The following VPS13C variants were observed in gnomAD, a reference collection of about 807,000 sequenced individuals.
VPS13C encodes the protein intermembrane lipid transfer protein VPS13C.
Under a neutral mutation model 456.8 loss-of-function variants are expected in VPS13C, and 358 were observed. The ratio of observed to expected loss-of-function variants is 0.78; its 90% CI spans 0.72 to 0.86. The LOEUF (loss-of-function observed/expected upper bound fraction) is 0.86. Ranked by LOEUF, VPS13C falls within the 40% of genes least tolerant of loss-of-function variation. VPS13C has a pLI of 0.00. For synonymous variants in VPS13C, 1,578 were observed against 1,486.7 expected (o/e 1.06, Z -1.41); for missense variants, 4,818 against 4,385.4 (o/e 1.10, Z -2.79).
chr15:61,977,331 G>T, intron 23 of VPS13C, 132 bp from the exon 24 acceptor site: 1 of 565,450 alleles, frequency 1.8e-6, no homozygotes, highest in Non-Finnish European at 2.9e-6. Context: ...AATTAATCCA[G>T]AATCAATGAT....
chr15:62,004,697 T>C (rs1453825573), intron 15 of VPS13C, among the ~76,000 whole-genome samples: 1 of 151,654 alleles, frequency 6.6e-6, no homozygotes, highest in Non-Finnish European at 1.5e-5. Flanking sequence ...TTTGAATGTG[T>C]CCCAGAGATT....
chr15:61,946,648 CA>C (rs5813127), intron 43 of VPS13C, among the ~76,000 whole-genome samples: 67 of 144,170 alleles, frequency 4.6e-4, no homozygotes, highest in East Asian at 1.4e-3. Context: ...ATTTTAAAAC[CA>C]AAAAAAAAAA....
At chr15:62,010,396 G>C in intron 13 of VPS13C, 76 bp downstream of exon 13, 2 of 1,377,092 alleles carry the variant, frequency 1.5e-6, no homozygotes, top group Non-Finnish European at 1.9e-6. Flanking sequence ...CCAACCACTA[G>C]AGAAGTAATA....
At position 62,055,979 on chromosome 15, in the gene VPS13C, C is replaced by T. The variant is rs115113163; in HGVS notation, c.100+4296G>A. Among the ~76,000 whole-genome samples, 1,237 of 152,258 alleles carry T rather than the reference C, an allele frequency of 8.1e-3. 13 individuals carry two copies. Among genetic ancestry groups the T allele is most frequent in the African/African-American group, 0.028 (1,176 of 41,534 alleles). Reference sequence around the variant, plus strand: ...TATCTGCTACATGCCAATAGCACACCTCTTCCCTCAGTGTGGCAACCAAAA... The same window carrying T: ...TATCTGCTACATGCCAATAGCACACTTCTTCCCTCAGTGTGGCAACCAAAA... On this transcript the variant is annotated intron_variant, in intron 1 of 84. Coordinates refer to ENST00000644861, the MANE Select transcript of VPS13C (RefSeq NM_020821.3).
rs932475685 is a variant in VPS13C, at chr15:61,901,133, G to A, written c.9105+6131C>T. Among the ~76,000 whole-genome samples, 6 of 150,852 alleles carry A rather than the reference G, an allele frequency of 4.0e-5. No individual in the cohort carries two copies. In the South Asian group the frequency reaches 6.3e-4, roughly 16 times the overall value. On this transcript the variant is annotated intron_variant, in intron 66 of 84. Coordinates refer to ENST00000644861, the MANE Select transcript of VPS13C (RefSeq NM_020821.3). ...TTCAAGATGGATTAAAGACTTAAAC[G>A]TTAGACCTAAAACCATAAAAACCCT...
intron 24 of VPS13C, 45 bp downstream of exon 24, chr15:61,977,037 A>T (rs1304950283): frequency 1.5e-6 from 2 of 1,362,756 alleles, no homozygotes; most frequent in Admixed American, 3.7e-5. Context: ...ATGCAGACAT[A>T]TTTCACCTGT....
At chr15:62,038,585 T>C (rs754579785) in intron 3 of VPS13C, among the ~76,000 whole-genome samples, 25 of 152,156 alleles carry the variant, frequency 1.6e-4, no homozygotes, top group Non-Finnish European at 2.8e-4. Context: ...AGACTTTGTC[T>C]CTAAATTAAT....
intron 67 of VPS13C, among the ~76,000 whole-genome samples, chr15:61,889,277 T>A (rs1270490204): frequency 6.6e-6 from 1 of 152,072 alleles, no homozygotes; most frequent in African/African-American, 2.4e-5. Context: ...AAATATCATA[T>A]AATACTCAAA....
At chr15:61,905,428 T>C (rs1345033899) in intron 66 of VPS13C, among the ~76,000 whole-genome samples, 1 of 152,200 alleles carries the variant, frequency 6.6e-6, no homozygotes, top group Non-Finnish European at 1.5e-5. Context: ...TAATTTAATC[T>C]GAATGTTTTT....
At chr15:61,946,532 C>A in intron 43 of VPS13C, 122 bp from the exon 44 acceptor site, 1 of 519,734 alleles carries the variant, frequency 1.9e-6, no homozygotes, top group East Asian at 3.5e-5. Flanking sequence ...TTATAAGACA[C>A]ATTAATGGCA....
At position 61,867,086 on chromosome 15, in the gene VPS13C, T is replaced by C. The variant is rs1894647322; in HGVS notation, c.10863+1573A>G. On this transcript the variant is annotated intron_variant, in intron 81 of 84. Transcript: ENST00000644861. This position sits in a 1 kb window ranked among gnomAD's most constrained non-coding sequence, Gnocchi z 5.0. Reference sequence around the variant, plus strand: ...TTTCTCTAAGATAATAAACCCTCTCTAAGGATTTAAAAGCAAAAGGTTGGT... The same window carrying C: ...TTTCTCTAAGATAATAAACCCTCTCCAAGGATTTAAAAGCAAAAGGTTGGT... 1.1e-6 allele frequency: 1 copy of C among 940,644 alleles called. No individual in the cohort carries two copies. The highest frequency in any genetic ancestry group is 1.3e-6 in the Non-Finnish European group (1 of 789,114). The allele number at this position is 940,644 out of a possible 1,614,324, so 58.3% of individuals were successfully genotyped here.
At chr15:61,975,982 T>A (rs961662206) in intron 24 of VPS13C, among the ~76,000 whole-genome samples, 3 of 152,216 alleles carry the variant, frequency 2.0e-5, no homozygotes, top group East Asian at 3.9e-4. Context: ...AGTCTAAACA[T>A]GAAACTGATT....
intron 79 of VPS13C, among the ~76,000 whole-genome samples, chr15:61,871,185 C>T (rs1419294464): frequency 1.3e-5 from 2 of 152,092 alleles, no homozygotes; most frequent in African/African-American, 4.8e-5. Flanking sequence ...AATCCAAAGT[C>T]ATGAAGATTG....
At chr15:61,961,475 G>T in intron 35 of VPS13C, 114 bp downstream of exon 35, 1 of 995,122 alleles carries the variant, frequency 1.0e-6, no homozygotes, top group Non-Finnish European at 1.4e-6. Flanking sequence ...AAACTGTTCC[G>T]TGTAATGGAA....
intron 2 of VPS13C, among the ~76,000 whole-genome samples, chr15:62,042,837 G>A (rs1324658314): frequency 1.3e-5 from 2 of 151,760 alleles, no homozygotes; most frequent in African/African-American, 4.8e-5. Flanking sequence ...AAAGGGTGCA[G>A]CACACCAACA....
chr15:61,951,837 G>A lies in VPS13C; in HGVS notation c.4443C>T (p.Cys1481=), dbSNP rs1284461847. 4 of 1,610,408 alleles carry A rather than the reference G, an allele frequency of 2.5e-6. No individual in the cohort carries two copies. Among genetic ancestry groups the A allele is most frequent in the Non-Finnish European group, 2.5e-6 (3 of 1,178,500 alleles). ...KAYLKKISMQ[C]FDFTDSKGEP... The stretch of plus-strand genomic sequence containing the variant: ...TTTCACACTTACCAGTGAAATCAAA[G>A]CACTGCATACTAATTTTTTTTAGAT... The change falls in exon 39 of 85, where the codon TGC becomes TGT. Residue 1481 remains cysteine (C), a synonymous_variant. Coordinates refer to ENST00000644861, the MANE Select transcript of VPS13C (RefSeq NM_020821.3).
intron 64 of VPS13C, 128 bp downstream of exon 64, chr15:61,910,049 C>G (rs979790362): frequency 2.7e-6 from 1 of 372,180 alleles, no homozygotes; most frequent in Non-Finnish European, 3.8e-6. Context: ...ATGGGTGCAG[C>G]ACACCAACAT....
At chr15:61,863,185 G>A (rs1382660957) in intron 82 of VPS13C, among the ~76,000 whole-genome samples, 3 of 152,092 alleles carry the variant, frequency 2.0e-5, no homozygotes, top group African/African-American at 7.2e-5. Context: ...TCTCTCAGTG[G>A]TTGTGTAACT....
intron 1 of VPS13C, among the ~76,000 whole-genome samples, chr15:62,046,038 T>C (rs2048389991): frequency 6.6e-6 from 1 of 152,174 alleles, no homozygotes; most frequent in South Asian, 2.1e-4. Flanking sequence ...GTTATTTCTA[T>C]GTAATAAAGT....
Sources: gnomAD v4.1 joint callset for allele counts (sites outside exome capture counted in the v4.1 genomes callset) on GRCh38, gnomAD v4.1.1 for gene constraint, Gnocchi (gnomAD v3.1) non-coding constraint, MANE v1.5 for transcripts, NCBI Gene and HGNC (gene_info 2026-07-23, HGNC 2026-07-21) for gene names.